B3GALT1: variants seen among roughly 807,000 people sequenced by gnomAD.
The protein encoded by B3GALT1 is UDP-Gal:betaGlcNAc beta 1,3-galactosyltransferase, polypeptide 1.
In B3GALT1, 10 loss-of-function variants were observed where a neutral mutation model predicts 23.2. The ratio of observed to expected loss-of-function variants is 0.43; its 90% CI spans 0.27 to 0.73. B3GALT1 has a LOEUF of 0.73. B3GALT1 is among the 30% of genes least tolerant of loss of function. The pLI, the probability that B3GALT1 is intolerant of heterozygous loss-of-function variation, is 0.21. For synonymous variants in B3GALT1, 156 were observed against 141.5 expected (o/e 1.10, Z -0.73); for missense variants, 299 against 405.4 (o/e 0.74, Z 2.25).
intron 2 of B3GALT1, among the ~76,000 whole-genome samples, chr2:167,615,934 C>T (rs1432442352): frequency 2.0e-5 from 3 of 152,004 alleles, no homozygotes; most frequent in Non-Finnish European, 2.9e-5. Context: ...AGAATTTGAA[C>T]CCAGCACACA....
chr2:167,425,297 T>C (rs1698606553), intron 1 of B3GALT1, among the ~76,000 whole-genome samples: 1 of 152,228 alleles, frequency 6.6e-6, no homozygotes, highest in African/African-American at 2.4e-5. Context: ...ATAACTTCTT[T>C]GGTTGTTATT....
intron 3 of B3GALT1, chr2:167,714,878 A>G: frequency 6.2e-7 from 1 of 1,609,664 alleles, no homozygotes; most frequent in Non-Finnish European, 8.5e-7. Context: ...TTTCCTGTGG[A>G]GTGTCATTTC....
chr2:167,645,909 C>T lies in B3GALT1; in HGVS notation c.-409-1000C>T, dbSNP rs760820517. On this transcript the variant is annotated intron_variant, in intron 2 of 4. Coordinates refer to ENST00000392690, the MANE Select transcript of B3GALT1 (RefSeq NM_020981.4). The stretch of plus-strand genomic sequence containing the variant: ...TACTTGGGGTGGGAGTGGGTGATTG[C>T]GGTGTTTGTAAAATGTCTGTGTGAG... Among the ~76,000 whole-genome samples the T allele has an allele frequency of 6.6e-5, 10 of 151,972 alleles. 1 individual carries two copies. Among genetic ancestry groups the T allele is most frequent in the South Asian group, 6.3e-4 (3 of 4,796 alleles).
At chr2:167,539,601 T>A (rs934057116) in intron 2 of B3GALT1, among the ~76,000 whole-genome samples, 1 of 152,160 alleles carries the variant, frequency 6.6e-6, no homozygotes, top group Non-Finnish European at 1.5e-5. Flanking sequence ...CAGCATAAAT[T>A]GTAGGTCACA....
intron 1 of B3GALT1, among the ~76,000 whole-genome samples, chr2:167,433,477 G>C (rs1698734645): frequency 6.6e-6 from 1 of 152,132 alleles, no homozygotes; most frequent in East Asian, 1.9e-4. Context: ...GACAAAGGAA[G>C]AAAATGTAGA....
At chr2:167,392,704 T>TG (rs1698032222) in intron 1 of B3GALT1, among the ~76,000 whole-genome samples, 3 of 152,304 alleles carry the variant, frequency 2.0e-5, no homozygotes, top group East Asian at 3.9e-4. Context: ...TCAGTGTTTT[T>TG]GGGGAAAAAA....
At chr2:167,596,453 G>GT (rs1160097462) in intron 2 of B3GALT1, among the ~76,000 whole-genome samples, 2 of 152,116 alleles carry the variant, frequency 1.3e-5, no homozygotes, top group Non-Finnish European at 2.9e-5. Context: ...CTTAGAACAG[G>GT]TACCTACATT....
chr2:167,346,743 T>TGGGGGGGGGGGGGG (rs1431774439), intron 1 of B3GALT1, among the ~76,000 whole-genome samples: 1 of 33,962 alleles, frequency 2.9e-5, no homozygotes, highest in African/African-American at 6.3e-5. Context: ...TTTGTGTGTG[T>TGGGGGGGGGGGGGG]GTGGGGGGGG....
At chr2:167,459,425 G>A (rs931324579) in intron 1 of B3GALT1, among the ~76,000 whole-genome samples, 1 of 152,008 alleles carries the variant, frequency 6.6e-6, no homozygotes, top group African/African-American at 2.4e-5. Context: ...TTTTCCTGTT[G>A]TTGATGTCAT....
intron 1 of B3GALT1, among the ~76,000 whole-genome samples, chr2:167,401,094 T>C (rs1698181302): frequency 6.6e-6 from 1 of 152,030 alleles, no homozygotes; most frequent in South Asian, 2.1e-4. Context: ...CCCCTTAATC[T>C]GCTTGGGGAG....
At chr2:167,378,772 T>C (rs1296227947) in intron 1 of B3GALT1, among the ~76,000 whole-genome samples, 3 of 152,172 alleles carry the variant, frequency 2.0e-5, no homozygotes, top group Non-Finnish European at 4.4e-5. Flanking sequence ...TTGGATGTCA[T>C]TGAGCTTCCT....
At chr2:167,596,268 C>T (rs573688285) in intron 2 of B3GALT1, among the ~76,000 whole-genome samples, 1 of 152,268 alleles carries the variant, frequency 6.6e-6, no homozygotes, top group South Asian at 2.1e-4. Context: ...CAGGAAGTAC[C>T]TAAAGTGTGG....
chr2:167,339,044 G>A (rs1477270564), intron 1 of B3GALT1, among the ~76,000 whole-genome samples: 1 of 152,062 alleles, frequency 6.6e-6, no homozygotes, highest in African/African-American at 2.4e-5. Context: ...TTATTATCTT[G>A]GAGAACAGTT....
At chr2:167,702,821 G>A (rs1686901734) in intron 3 of B3GALT1, among the ~76,000 whole-genome samples, 1 of 152,170 alleles carries the variant, frequency 6.6e-6, no homozygotes. Flanking sequence ...CTTGTGCATA[G>A]TTTATAATGA....
chr2:167,695,078 A>G (rs1686772039), intron 3 of B3GALT1, among the ~76,000 whole-genome samples: 1 of 152,072 alleles, frequency 6.6e-6, no homozygotes, highest in Admixed American at 6.6e-5. Context: ...CATCTGATTC[A>G]TTTCTAATCT....
intron 1 of B3GALT1, among the ~76,000 whole-genome samples, chr2:167,441,123 C>A (rs1259415811): frequency 6.6e-6 from 1 of 152,098 alleles, no homozygotes; most frequent in Non-Finnish European, 1.5e-5. Context: ...TTGGATGGGG[C>A]ATGTGTTTGA....
intron 1 of B3GALT1, among the ~76,000 whole-genome samples, chr2:167,357,342 TAAAA>T (rs1237389430): frequency 1.3e-5 from 2 of 152,030 alleles, no homozygotes; most frequent in Non-Finnish European, 2.9e-5. Context: ...AATATGTAGT[TAAAA>T]AACCAACAAA....
At chr2:167,663,037 T>C (rs938976556) in intron 3 of B3GALT1, among the ~76,000 whole-genome samples, 5 of 151,818 alleles carry the variant, frequency 3.3e-5, no homozygotes, top group African/African-American at 1.2e-4. Flanking sequence ...TATACATGTG[T>C]CATGCTGGTG....
At chr2:167,558,896 A>C (rs977051010) in intron 2 of B3GALT1, among the ~76,000 whole-genome samples, 1 of 152,126 alleles carries the variant, frequency 6.6e-6, no homozygotes, top group African/African-American at 2.4e-5. Context: ...GACAAACAAA[A>C]AGACAGCAGT....
Sources: gnomAD v4.1 joint callset for allele counts (sites outside exome capture counted in the v4.1 genomes callset) on GRCh38, gnomAD v4.1.1 for gene constraint, MANE v1.5 for transcripts, NCBI Gene and HGNC (gene_info 2026-07-23, HGNC 2026-07-21) for gene names.